TAFA2: variants seen among roughly 807,000 people sequenced by gnomAD.
The protein encoded by TAFA2 is chemokine-like protein TAFA-2.
TAFA2 carries 7 observed loss-of-function variants against 18.8 expected under a neutral mutation model. That is an observed-to-expected ratio of 0.37 (90% CI 0.21 to 0.70). The LOEUF (loss-of-function observed/expected upper bound fraction) is 0.70, where lower values mean the gene tolerates loss of function less well. TAFA2 is among the 30% of genes least tolerant of loss of function. The pLI, the probability that TAFA2 is intolerant of heterozygous loss-of-function variation, is 0.53. For missense variants in TAFA2, 122 were observed against 158.1 expected (o/e 0.77, Z 1.23); for synonymous variants, 60 against 54.2 (o/e 1.11, Z -0.47).
intron 1 of TAFA2, among the ~76,000 whole-genome samples, chr12:61,982,389 G>A (rs1311895574): frequency 6.6e-6 from 1 of 151,948 alleles, no homozygotes; most frequent in African/African-American, 2.4e-5. Flanking sequence ...GTATACCTAT[G>A]TATCAAACCT....
chr12:62,076,147 C>T (rs1332495385), intron 1 of TAFA2, among the ~76,000 whole-genome samples: 1 of 151,974 alleles, frequency 6.6e-6, no homozygotes, highest in South Asian at 2.1e-4. Context: ...TGAATTTTGC[C>T]TGGTGTTGTT....
intron 1 of TAFA2, among the ~76,000 whole-genome samples, chr12:62,025,730 G>A (rs1361992922): frequency 6.6e-6 from 1 of 151,992 alleles, no homozygotes; most frequent in Non-Finnish European, 1.5e-5. Context: ...CATTTTAAAG[G>A]CATCTAATAA....
chr12:62,076,942 T>A (rs1868253379), intron 1 of TAFA2, among the ~76,000 whole-genome samples: 1 of 152,164 alleles, frequency 6.6e-6, no homozygotes, highest in Non-Finnish European at 1.5e-5. Flanking sequence ...AGCTCATGAG[T>A]GGAAGTCTAA....
intron 2 of TAFA2, among the ~76,000 whole-genome samples, chr12:61,848,248 A>G (rs991098689): frequency 6.6e-6 from 1 of 152,220 alleles, no homozygotes; most frequent in Non-Finnish European, 1.5e-5. Flanking sequence ...AAAGAGCAAA[A>G]CAACTCCCCA....
intron 1 of TAFA2, among the ~76,000 whole-genome samples, chr12:61,911,938 C>G (rs995886699): frequency 6.6e-6 from 1 of 152,122 alleles, no homozygotes; most frequent in African/African-American, 2.4e-5. Context: ...GATGCATCAT[C>G]CTCCTAAGCT....
intron 1 of TAFA2, chr12:61,879,965 GA>G: frequency 1.2e-6 from 1 of 866,032 alleles, no homozygotes. Context: ...GTCTCACCTG[GA>G]AGGGCTGACT....
intron 2 of TAFA2, among the ~76,000 whole-genome samples, chr12:61,865,192 G>GT (rs1443815429): frequency 6.6e-6 from 1 of 152,178 alleles, no homozygotes; most frequent in African/African-American, 2.4e-5. Flanking sequence ...CATTTAGAAT[G>GT]TAACTATATC....
intron 1 of TAFA2, among the ~76,000 whole-genome samples, chr12:62,179,225 G>T (rs1392521467): frequency 6.6e-6 from 1 of 152,152 alleles, no homozygotes; most frequent in East Asian, 1.9e-4. Context: ...TTAGATTTGG[G>T]TGGTACAAGG....
chr12:62,115,547 G>A (rs12579846), intron 1 of TAFA2, among the ~76,000 whole-genome samples: 34,080 of 151,976 alleles, frequency 0.22, 4,188 homozygotes, highest in East Asian at 0.37. Flanking sequence ...TGGGCAAGAA[G>A]TACCACTTTT....
chr12:62,036,881 A>G (rs1881626153), intron 1 of TAFA2, among the ~76,000 whole-genome samples: 1 of 152,198 alleles, frequency 6.6e-6, no homozygotes, highest in South Asian at 2.1e-4. Context: ...AAAACAAAAA[A>G]TCAGTCAACT....
intron 1 of TAFA2, among the ~76,000 whole-genome samples, chr12:62,199,970 C>G (rs2062664386): frequency 6.6e-6 from 1 of 152,166 alleles, no homozygotes. Flanking sequence ...GATGATATCT[C>G]ATTGTGGTGT....
At chr12:61,943,566 G>A (rs1226194664) in intron 1 of TAFA2, among the ~76,000 whole-genome samples, 9 of 149,060 alleles carry the variant, frequency 6.0e-5, no homozygotes, top group South Asian at 2.1e-4. Context: ...CCCATCTCAC[G>A]TGCAGAGACA....
rs768920598 is a variant in TAFA2 at position 61,754,844 on chromosome 12, T to G, written c.259+28A>C. 8 of 1,610,056 alleles carry G rather than the reference T, an allele frequency of 5.0e-6. No homozygotes were observed. The South Asian group carries it at 7.7e-5, about 16-fold the overall frequency. The stretch of plus-strand genomic sequence containing the variant: ...TTCTAAGCCATCCTTGGCTGTGCTG[T>G]TACAATAAGGAATGGAAGAAGTCAC... On this transcript the variant is annotated intron_variant, in intron 3 of 4. Coordinates refer to ENST00000416284, the MANE Select transcript of TAFA2 (RefSeq NM_178539.5).
At chr12:62,037,992 A>T (rs9739464) in intron 1 of TAFA2, among the ~76,000 whole-genome samples, 31,193 of 152,094 alleles carry the variant, frequency 0.21, 3,813 homozygotes, top group East Asian at 0.37. Context: ...TTATCATTTC[A>T]TTTGTATGTA....
In TAFA2 at chr12:61,835,069, T is replaced by A. The variant is rs139286821; in HGVS notation, c.106+32251A>T. On this transcript the variant is annotated intron_variant, in intron 2 of 4. Transcript: ENST00000416284. ...TTCTGCTCTTCTAACTAAATGCTAA[T>A]CAATTTCCACTCATTGCCTGAGGGG... 3.7e-3 allele frequency among the ~76,000 whole-genome samples: 553 copies of A among 151,320 alleles called. 1 individual carries two copies. Among genetic ancestry groups the A allele is most frequent in the Middle Eastern group, 0.01 (3 of 294 alleles).
chr12:62,107,659 G>A (rs113248390), intron 1 of TAFA2, among the ~76,000 whole-genome samples: 46 of 152,198 alleles, frequency 3.0e-4, no homozygotes, highest in African/African-American at 1.1e-3. Context: ...TGCCATTGCT[G>A]GACTTTTTAA....
intron 1 of TAFA2, among the ~76,000 whole-genome samples, chr12:61,958,495 T>G (rs1000564975): frequency 6.6e-6 from 1 of 152,044 alleles, no homozygotes; most frequent in Non-Finnish European, 1.5e-5. Context: ...TGCTACCAGT[T>G]TTTTTAATTT....
At chr12:62,006,574 T>C (rs1880558013) in intron 1 of TAFA2, among the ~76,000 whole-genome samples, 1 of 152,186 alleles carries the variant, frequency 6.6e-6, no homozygotes, top group East Asian at 1.9e-4. Flanking sequence ...GCTTTACTAC[T>C]AACTAAAGTC....
At position 61,709,624 on chromosome 12, in the gene TAFA2, A is replaced by AT. The variant is rs397758091; in HGVS notation, c.*781_*782insA. 4 of 151,848 alleles carry AT rather than the reference A, an allele frequency of 2.6e-5. No individual in the cohort carries two copies. The highest frequency in any genetic ancestry group is 4.4e-5 in the Non-Finnish European group (3 of 67,910). 9.4% of individuals were successfully genotyped at this position (151,848 alleles called of 1,614,324 possible). A position where few individuals can be genotyped will look rare whatever the true frequency, so the allele number is the denominator to read the frequency against. ...TAAAGAAAAGCTCACTTAAAAAAAA[A>AT]CAGAAAGGGAGAGTGCTCTAGAGGT... On this transcript the variant is annotated 3_prime_UTR_variant, in exon 5 of 5. Transcript: ENST00000416284.
Sources: gnomAD v4.1 joint callset for allele counts (sites outside exome capture counted in the v4.1 genomes callset) on GRCh38, gnomAD v4.1.1 for gene constraint, MANE v1.5 for transcripts, NCBI Gene and HGNC (gene_info 2026-07-23, HGNC 2026-07-21) for gene names.